NAV3: variants seen among roughly 807,000 people sequenced by gnomAD.
The protein encoded by NAV3 is pore membrane and/or filament interacting like protein 1.
A neutral mutation model predicts 244.7 loss-of-function variants in NAV3; 87 were observed. The observed-to-expected ratio is 0.36, with a 90% CI of 0.30 to 0.42. The LOEUF (loss-of-function observed/expected upper bound fraction) is 0.42. Ranked by LOEUF, NAV3 falls within the 20% of genes least tolerant of loss-of-function variation. The pLI is 1.00. For missense variants in NAV3, 2,663 were observed against 2,893.3 expected (o/e 0.92, Z 1.83); for synonymous variants, 1,126 against 1,042.2 (o/e 1.08, Z -1.55).
At chr12:77,769,726 G>A (rs1404419288) in intron 2 of NAV3, among the ~76,000 whole-genome samples, 3 of 152,124 alleles carry the variant, frequency 2.0e-5, no homozygotes, top group Non-Finnish European at 4.4e-5. Context: ...CTGCCATTAT[G>A]GAAAGTCGGA....
chr12:78,086,099 A>T (rs1953622297), intron 12 of NAV3, among the ~76,000 whole-genome samples: 1 of 152,094 alleles, frequency 6.6e-6, no homozygotes. Context: ...AAAATAATTA[A>T]CACTGGCGTT....
intron 8 of NAV3, among the ~76,000 whole-genome samples, chr12:78,014,692 A>G (rs1875880039): frequency 6.6e-6 from 1 of 152,132 alleles, no homozygotes; most frequent in African/African-American, 2.4e-5. Flanking sequence ...CTTACTCACA[A>G]GGTTTTAAGT....
At chr12:78,103,701 T>C (rs1295860544) in intron 12 of NAV3, among the ~76,000 whole-genome samples, 4 of 152,194 alleles carry the variant, frequency 2.6e-5, no homozygotes, top group African/African-American at 9.6e-5. Context: ...TCTTACATGA[T>C]GGCAGCAAGA....
chr12:77,960,656 A>C (rs1891820703), intron 3 of NAV3, among the ~76,000 whole-genome samples: 1 of 147,900 alleles, frequency 6.8e-6, no homozygotes, highest in South Asian at 2.1e-4. Context: ...ACATATTAGC[A>C]TTACATATAC....
intron 38 of NAV3, among the ~76,000 whole-genome samples, chr12:78,204,700 A>G (rs1960101346): frequency 6.6e-6 from 1 of 152,052 alleles, no homozygotes; most frequent in African/African-American, 2.4e-5. Context: ...TTCTCCCCCA[A>G]AAGTTGACAT....
intron 8 of NAV3, among the ~76,000 whole-genome samples, chr12:78,009,193 G>C (rs1278740115): frequency 1.3e-5 from 2 of 152,130 alleles, no homozygotes; most frequent in Non-Finnish European, 2.9e-5. Flanking sequence ...CAGCACAGCA[G>C]CACAGCTTAG....
intron 3 of NAV3, among the ~76,000 whole-genome samples, chr12:77,957,412 G>A (rs926910596): frequency 2.0e-5 from 3 of 152,100 alleles, no homozygotes; most frequent in African/African-American, 7.2e-5. Context: ...TTGGTATTTA[G>A]TACCAAACTG....
chr12:77,974,316 C>G (rs1893269462), intron 5 of NAV3, among the ~76,000 whole-genome samples: 1 of 152,012 alleles, frequency 6.6e-6, no homozygotes, highest in Non-Finnish European at 1.5e-5. Flanking sequence ...GAATCTTGCT[C>G]TGTCACCCAG....
chr12:77,672,255 A>G (rs1224677109), intron 2 of NAV3, among the ~76,000 whole-genome samples: 1 of 152,184 alleles, frequency 6.6e-6, no homozygotes, highest in Non-Finnish European at 1.5e-5. Context: ...AGATGTTTGC[A>G]TGGATGTGGT....
intron 12 of NAV3, among the ~76,000 whole-genome samples, chr12:78,090,898 G>A (rs1953891947): frequency 6.6e-6 from 1 of 151,830 alleles, no homozygotes; most frequent in South Asian, 2.1e-4. Context: ...CAGTAAAAGT[G>A]AAAGATGAAT....
In NAV3 at chr12:77,602,593, A is replaced by G. The variant is rs115132365; in HGVS notation, c.72+30327A>G. The stretch of plus-strand genomic sequence containing the variant: ...GAGGAATGCTAGGAAATAGGTGCAG[A>G]GAGCCAATAAAAAATGTTGTAAAGA... On this transcript the variant is annotated intron_variant, in intron 2 of 8. Transcript: ENST00000550042. 3.6e-3 allele frequency among the ~76,000 whole-genome samples: 545 copies of G among 152,050 alleles called. 3 individuals carry two copies. The highest frequency in any genetic ancestry group is 0.011 in the African/African-American group (453 of 41,504).
chr12:77,976,674 C>CTTTTTTTTTTTTTTTTTT (rs869041498), intron 5 of NAV3, among the ~76,000 whole-genome samples: 11 of 83,430 alleles, frequency 1.3e-4, no homozygotes, highest in South Asian at 4.8e-4. Context: ...TTCTTTTTTT[C>CTTTTTTTTTTTTTTTTTT]TTTTTTTTTT....
chr12:78,209,767 T>G (rs182886922), intron 39 of NAV3, among the ~76,000 whole-genome samples: 1 of 152,296 alleles, frequency 6.6e-6, no homozygotes, highest in Non-Finnish European at 1.5e-5. Flanking sequence ...TAGTTTTTGT[T>G]TTCAGTGATG....
At chr12:77,988,233 C>T (rs753216280) in intron 5 of NAV3, among the ~76,000 whole-genome samples, 2 of 152,316 alleles carry the variant, frequency 1.3e-5, no homozygotes, top group South Asian at 2.1e-4. Flanking sequence ...ATATTTCTAA[C>T]AAGCCCCAGG....
chr12:77,753,816 A>T (rs1327425546), intron 2 of NAV3, among the ~76,000 whole-genome samples: 2 of 152,178 alleles, frequency 1.3e-5, no homozygotes, highest in Non-Finnish European at 2.9e-5. Context: ...ACAAATGAAG[A>T]TTATTGGTAC....
intron 5 of NAV3, among the ~76,000 whole-genome samples, chr12:77,987,552 A>G (rs1870731772): frequency 3.3e-5 from 5 of 152,194 alleles, no homozygotes. Flanking sequence ...TTTAGAAGGT[A>G]GAGATATAAC....
Position 78,119,942 on chromosome 12 carries a change from G to T in NAV3, c.3746G>T (p.Arg1249Leu). 6.2e-7 allele frequency: 1 copy of T among 1,609,140 alleles called. No homozygotes were observed. Among genetic ancestry groups the T allele is most frequent in the Non-Finnish European group, 8.5e-7 (1 of 1,176,992 alleles). The change falls in exon 15 of 40, where the codon CGA (arginine) becomes CTA (leucine). Residue 1249 changes from arginine (R) to leucine (L), a missense_variant. By Grantham distance (102) the Arg-to-Leu change is moderately radical. Transcript: ENST00000397909. The part of the protein sequence containing the change: ...KYPDIASPTF[R>L]RLFGAKAGGK... The stretch of plus-strand genomic sequence containing the variant: ...CCAGATATTGCCTCACCCACATTTC[G>T]AAGGTAAGGATGTATAAAATGATGC...
chr12:77,933,410 A>G (rs931779074), intron 1 of NAV3, among the ~76,000 whole-genome samples: 1 of 152,226 alleles, frequency 6.6e-6, no homozygotes, highest in African/African-American at 2.4e-5. Context: ...AATGACAGAA[A>G]AAAAGTAAAA....
chr12:77,683,834 C>A (rs990147746), intron 2 of NAV3, among the ~76,000 whole-genome samples: 1 of 151,732 alleles, frequency 6.6e-6, no homozygotes, highest in Non-Finnish European at 1.5e-5. Flanking sequence ...GTTGTATATC[C>A]CCCTCCTGCT....
Sources: allele counts gnomAD v4.1 joint callset (sites outside exome capture counted in the v4.1 genomes callset), GRCh38; gene constraint gnomAD v4.1.1; transcripts MANE v1.5; gene names NCBI Gene and HGNC (gene_info 2026-07-23, HGNC 2026-07-21).